Variants in ASPH observed in about 807,000 individuals in gnomAD.
ASPH encodes the protein aspartyl/asparaginyl beta-hydroxylase.
Under a neutral mutation model 118.4 loss-of-function variants are expected in ASPH, and 100 were observed. That is an observed-to-expected ratio of 0.84 (90% confidence interval 0.72 to 1.00). ASPH has a LOEUF of 1.00. Among genes scored for constraint, ASPH ranks in the 50% least tolerant of loss-of-function variants. ASPH has a pLI of 0.00. For missense variants in ASPH, 920 were observed against 919.5 expected (o/e 1.00, Z -0.01); for synonymous variants, 315 against 325.6 (o/e 0.97, Z 0.35).
At chr8:61,518,539 T>C (rs1268063534) in intron 22 of ASPH, among the ~76,000 whole-genome samples, 1 of 152,190 alleles carries the variant, frequency 6.6e-6, no homozygotes, top group African/African-American at 2.4e-5. Flanking sequence ...CCCTATATCA[T>C]AAATAGTTGA....
chr8:61,563,732 C>T (rs1171579089), intron 17 of ASPH, among the ~76,000 whole-genome samples: 1 of 152,224 alleles, frequency 6.6e-6, no homozygotes, highest in Non-Finnish European at 1.5e-5. Context: ...TCCTCACTAA[C>T]AAATCTGGGC....
intron 16 of ASPH, 150 bp downstream of exon 16, chr8:61,576,622 G>A: frequency 1.7e-6 from 1 of 598,846 alleles, no homozygotes. Context: ...GCATGCAATA[G>A]TGATAATTGT....
intron 24 of ASPH, among the ~76,000 whole-genome samples, chr8:61,507,371 G>A (rs1807019715): frequency 6.6e-6 from 1 of 152,088 alleles, no homozygotes; most frequent in African/African-American, 2.4e-5. Context: ...AACTCTATGG[G>A]GAAAGTGAGT....
chr8:61,507,960 G>C (rs886328984), intron 24 of ASPH, among the ~76,000 whole-genome samples: 1 of 152,130 alleles, frequency 6.6e-6, no homozygotes, highest in Non-Finnish European at 1.5e-5. Flanking sequence ...CTGGAAGCTT[G>C]GCTCACTGTT....
chr8:61,524,819 G>A (rs17790471), intron 22 of ASPH, among the ~76,000 whole-genome samples: 13,406 of 151,388 alleles, frequency 0.089, 672 homozygotes, highest in Non-Finnish European at 0.12. Context: ...CTATTCTGAA[G>A]CATTGCTCTA....
At chr8:61,542,328 A>T (rs528520876) in intron 21 of ASPH, among the ~76,000 whole-genome samples, 1 of 152,140 alleles carries the variant, frequency 6.6e-6, no homozygotes, top group East Asian at 1.9e-4. Flanking sequence ...TTTACAACAG[A>T]TAGATATTTA....
At chr8:61,625,969 A>T (rs1852614433) in intron 13 of ASPH, 21 of 1,152,352 alleles carry the variant, frequency 1.8e-5, no homozygotes, top group Non-Finnish European at 2.2e-5. Flanking sequence ...AAACACACAT[A>T]AATTCAGGTA....
intron 3 of ASPH, chr8:61,665,173 T>C: frequency 4.0e-6 from 6 of 1,517,776 alleles, no homozygotes; most frequent in Admixed American, 2.3e-5. Context: ...ATCAGAGCAA[T>C]ATTACATTTT....
intron 3 of ASPH, among the ~76,000 whole-genome samples, chr8:61,655,059 A>T (rs1453547383): frequency 6.6e-6 from 1 of 152,196 alleles, no homozygotes; most frequent in Non-Finnish European, 1.5e-5. Flanking sequence ...CTGCTGAATG[A>T]ATGGGAAAAA....
At position 61,596,287 on chromosome 8, in the gene ASPH, T is replaced by C. The variant is rs148883226; in HGVS notation, c.977-12258A>G. ...GCCACCTCTACTGCAAGCAACCACT[T>C]GTACACCCTACCTGGGGACCTAGGT... On this transcript the variant is annotated intron_variant, in intron 14 of 24. Transcript: ENST00000379454. 4.6e-5 allele frequency among the ~76,000 whole-genome samples: 7 copies of C among 152,262 alleles called. No homozygotes were observed. The East Asian group carries it at 1.4e-3, about 29-fold the overall frequency.
chr8:61,620,054 A>T (rs1850374226), intron 13 of ASPH, among the ~76,000 whole-genome samples: 1 of 152,142 alleles, frequency 6.6e-6, no homozygotes, highest in Non-Finnish European at 1.5e-5. Flanking sequence ...AAAACATTTC[A>T]ATTTGGGGAG....
At chr8:61,520,073 T>C (rs541245050) in intron 22 of ASPH, among the ~76,000 whole-genome samples, 21 of 152,326 alleles carry the variant, frequency 1.4e-4, no homozygotes, top group African/African-American at 4.8e-4. Flanking sequence ...GTCTTTTCCA[T>C]ATCCAGATCA....
At chr8:61,509,411 TCTC>T (rs1332977493) in intron 24 of ASPH, among the ~76,000 whole-genome samples, 2 of 152,188 alleles carry the variant, frequency 1.3e-5, no homozygotes, top group Non-Finnish European at 2.9e-5. Flanking sequence ...CATAGGGTAA[TCTC>T]CTGACATTGC....
rs77896869 is a variant in ASPH, at chr8:61,506,538, G to A, written c.2127-3029C>T. Reference sequence around the variant, plus strand: ...AGGGAAAGGCAAAGGAGAGCATGTGGTAGAGGAGAAAGAAAGAAGCAATAC... The same window carrying A: ...AGGGAAAGGCAAAGGAGAGCATGTGATAGAGGAGAAAGAAAGAAGCAATAC... On this transcript the variant is annotated intron_variant, in intron 24 of 24. Transcript: ENST00000379454. 5.1e-3 allele frequency among the ~76,000 whole-genome samples: 779 copies of A among 152,252 alleles called. 2 individuals carry two copies. The highest frequency in any genetic ancestry group is 0.018 in the African/African-American group (731 of 41,548).
At chr8:61,522,688 G>A (rs1813569875) in intron 22 of ASPH, among the ~76,000 whole-genome samples, 1 of 152,052 alleles carries the variant, frequency 6.6e-6, no homozygotes, top group Non-Finnish European at 1.5e-5. Context: ...CCTGTGAAGA[G>A]GTGCCTTCCA....
chr8:61,696,392 A>C (rs1334102871), intron 1 of ASPH, among the ~76,000 whole-genome samples: 1 of 152,194 alleles, frequency 6.6e-6, no homozygotes, highest in Non-Finnish European at 1.5e-5. Flanking sequence ...ATCCTTTAGA[A>C]TACCCAGCTA....
rs940507272 is a variant in ASPH at position 61,519,254 on chromosome 8, T to C, written c.1901-1131A>G. ...AGATTTGTATATATATAGTAAATGA[T>C]ACAATAGATTAGTACCTATATATAT... On this transcript the variant is annotated intron_variant, in intron 22 of 24. Coordinates refer to ENST00000379454, the MANE Select transcript of ASPH (RefSeq NM_004318.4). Among the ~76,000 whole-genome samples, 3 of 152,336 alleles carry C rather than the reference T, an allele frequency of 2.0e-5. No individual in the cohort carries two copies. The South Asian group carries it at 6.2e-4, about 32-fold the overall frequency.
chr8:61,688,459 T>C (rs1380138933), intron 1 of ASPH, among the ~76,000 whole-genome samples: 1 of 152,182 alleles, frequency 6.6e-6, no homozygotes, highest in African/African-American at 2.4e-5. Flanking sequence ...GGAAGGGCAA[T>C]GTGTAGTTTT....
chr8:61,561,063 G>C (rs1261133428), intron 18 of ASPH, among the ~76,000 whole-genome samples: 1 of 129,316 alleles, frequency 7.7e-6, no homozygotes, highest in South Asian at 2.9e-4. Context: ...AGGAAGGAAC[G>C]AAGGAAGGGA....
Sources: allele counts gnomAD v4.1 joint callset (sites outside exome capture counted in the v4.1 genomes callset), GRCh38; gene constraint gnomAD v4.1.1; transcripts MANE v1.5; gene names NCBI Gene and HGNC (gene_info 2026-07-23, HGNC 2026-07-21).